Variants in ADAM18 observed in about 807,000 individuals in gnomAD.
ADAM18 encodes ADAM metallopeptidase domain 18, also known as disintegrin and metalloproteinase domain-containing protein 18.
In ADAM18, 117 loss-of-function variants were observed where a neutral mutation model predicts 94.4. The ratio of observed to expected loss-of-function variants is 1.24; its 90% CI spans 1.07 to 1.45. ADAM18 has a LOEUF of 1.45. Among genes scored for constraint, ADAM18 ranks in the 40% most tolerant of loss-of-function variants. The pLI, the probability that ADAM18 is intolerant of heterozygous loss-of-function variation, is 0.00. For synonymous variants in ADAM18, 327 were observed against 291.6 expected (o/e 1.12, Z -1.24); for missense variants, 936 against 880.0 (o/e 1.06, Z -0.81).
chr8:39,677,726 T>C (rs1821338176), intron 15 of ADAM18, among the ~76,000 whole-genome samples, 190 bp downstream of exon 15: 1 of 152,054 alleles, frequency 6.6e-6, no homozygotes, highest in African/African-American at 2.4e-5. Flanking sequence ...AAAATGAGAT[T>C]GGACAAAAAA....
intron 17 of ADAM18, among the ~76,000 whole-genome samples, chr8:39,704,009 A>G (rs1822158145): frequency 6.6e-6 from 1 of 152,074 alleles, no homozygotes; most frequent in South Asian, 2.1e-4. Flanking sequence ...AAGAATGAAC[A>G]AAGAAGAAAT....
chr8:39,715,064 G>C (rs923798507), intron 18 of ADAM18, among the ~76,000 whole-genome samples: 3 of 151,958 alleles, frequency 2.0e-5, no homozygotes, highest in Non-Finnish European at 2.9e-5. Flanking sequence ...CTCAATTGTA[G>C]ATCAAATTCT....
chr8:39,606,259 T>C (rs764615337), intron 2 of ADAM18, 48 bp from the exon 3 acceptor site: 1 of 1,043,018 alleles, frequency 9.6e-7, no homozygotes, highest in Non-Finnish European at 1.4e-6. Context: ...TTTTATTTTA[T>C]ATATTTCTGG....
intron 19 of ADAM18, among the ~76,000 whole-genome samples, chr8:39,729,647 T>C (rs1219366902): frequency 6.6e-6 from 1 of 152,062 alleles, no homozygotes; most frequent in Non-Finnish European, 1.5e-5. Flanking sequence ...TACATTTATT[T>C]TATGTTTAGC....
At chr8:39,645,160 A>T (rs1353833519) in intron 10 of ADAM18, among the ~76,000 whole-genome samples, 178 bp from the exon 11 acceptor site, 1 of 152,206 alleles carries the variant, frequency 6.6e-6, no homozygotes, top group Admixed American at 6.5e-5. Context: ...TACTTGTTTC[A>T]TGCTTCTTAA....
At chr8:39,726,373 C>A (rs919739230) in intron 19 of ADAM18, among the ~76,000 whole-genome samples, 1 of 151,858 alleles carries the variant, frequency 6.6e-6, no homozygotes, top group African/African-American at 2.4e-5. Context: ...GTGGTCCTCC[C>A]GCCTCAGCCT....
intron 9 of ADAM18, 75 bp downstream of exon 9, chr8:39,637,778 G>A (rs552094015): frequency 1.4e-4 from 186 of 1,347,790 alleles, no homozygotes; most frequent in South Asian, 2.3e-4. Context: ...AATTTATTGC[G>A]TTCTTCAGTT....
At chr8:39,636,946 G>T (rs1003526099) in intron 7 of ADAM18, among the ~76,000 whole-genome samples, 1 of 149,094 alleles carries the variant, frequency 6.7e-6, no homozygotes, top group Middle Eastern at 3.3e-3. Flanking sequence ...ATGTCCTCCA[G>T]ATTCATCCAT....
chr8:39,670,816 A>G (rs1438785306), intron 14 of ADAM18, among the ~76,000 whole-genome samples: 2 of 152,254 alleles, frequency 1.3e-5, no homozygotes, highest in African/African-American at 4.8e-5. Flanking sequence ...CTCTTCCAGA[A>G]TTTGCCTCAA....
At chr8:39,647,234 CAAAA>C (rs72204674) in intron 11 of ADAM18, among the ~76,000 whole-genome samples, 1 of 130,150 alleles carries the variant, frequency 7.7e-6, no homozygotes. Context: ...AGAAAGTCAG[CAAAA>C]AAAAAAAAAA....
chr8:39,603,705 A>G (rs1464235096), intron 2 of ADAM18, among the ~76,000 whole-genome samples: 1 of 152,206 alleles, frequency 6.6e-6, no homozygotes, highest in African/African-American at 2.4e-5. Flanking sequence ...TAAACTCTCT[A>G]TATGACCCTT....
chr8:39,647,877 A>G (rs2129579576), intron 11 of ADAM18, among the ~76,000 whole-genome samples: 1 of 152,292 alleles, frequency 6.6e-6, no homozygotes, highest in South Asian at 2.1e-4. Flanking sequence ...CAAAGTTACA[A>G]ATTAACAACA....
chr8:39,700,394 T>A (rs953845144), intron 17 of ADAM18, among the ~76,000 whole-genome samples: 2 of 152,168 alleles, frequency 1.3e-5, no homozygotes, highest in South Asian at 4.1e-4. Flanking sequence ...GTCAGATGTA[T>A]GTGACAAAGT....
Position 39,648,378 on chromosome 8 carries a change from A to G in ADAM18, c.1081A>G (p.Ser361Gly). The G allele has an allele frequency of 6.2e-7, 1 of 1,605,444 alleles. No homozygotes were observed. The highest frequency in any genetic ancestry group is 8.5e-7 in the Non-Finnish European group (1 of 1,176,422). Residue 361 changes from serine (S) to glycine (G), a missense_variant, in exon 12 of 20, where the codon AGC (serine) becomes GGC (glycine). Ser to Gly is a moderately conservative substitution (Grantham distance 56). Transcript: ENST00000265707. ...TGGTAGAAAGATTTTTAGCAACTGC[A>G]GCATGCACGACTATAGATATTTTGT... is the stretch of plus-strand genomic sequence containing the variant. ...ASGRKIFSNC[S>G]MHDYRYFVSK... is the part of the protein sequence containing the mutation.
At chr8:39,678,884 G>GA (rs1821363342) in intron 15 of ADAM18, among the ~76,000 whole-genome samples, 1 of 152,006 alleles carries the variant, frequency 6.6e-6, no homozygotes, top group Non-Finnish European at 1.5e-5. Flanking sequence ...TTTCAAAAAA[G>GA]AAAAAATAGT....
chr8:39,591,623 T>C (rs1458945999), intron 2 of ADAM18, among the ~76,000 whole-genome samples: 4 of 152,188 alleles, frequency 2.6e-5, no homozygotes, highest in Non-Finnish European at 4.4e-5. Context: ...TCTGTAGTTA[T>C]TTTCTCCACT....
chr8:39,721,946 T>C (rs1028874895), intron 18 of ADAM18, among the ~76,000 whole-genome samples: 1 of 151,142 alleles, frequency 6.6e-6, no homozygotes, highest in African/African-American at 2.4e-5. Context: ...CATATGTTCG[T>C]TGCAGAACTA....
At chr8:39,713,606 C>T (rs1287868636) in intron 18 of ADAM18, among the ~76,000 whole-genome samples, 2 of 152,096 alleles carry the variant, frequency 1.3e-5, no homozygotes, top group Non-Finnish European at 1.5e-5. Flanking sequence ...AAAAAACAAA[C>T]AACCCCATCA....
intron 18 of ADAM18, among the ~76,000 whole-genome samples, chr8:39,722,392 G>C (rs1822785629): frequency 6.6e-6 from 1 of 150,702 alleles, no homozygotes; most frequent in African/African-American, 2.4e-5. Flanking sequence ...GATGGAACTG[G>C]AGGCATTAAC....
Sources: gnomAD v4.1 joint callset for allele counts (sites outside exome capture counted in the v4.1 genomes callset) on GRCh38, gnomAD v4.1.1 for gene constraint, MANE v1.5 for transcripts, NCBI Gene and HGNC (gene_info 2026-07-23, HGNC 2026-07-21) for gene names.